Variants in TAF3 observed in about 807,000 individuals in gnomAD.
TAF3 encodes the protein transcription initiation factor TFIID subunit 3.
TAF3 carries 7 observed loss-of-function variants against 80.6 expected under a neutral mutation model. The observed-to-expected ratio is 0.09, with a 90% CI of 0.05 to 0.16. TAF3 has a LOEUF of 0.16. TAF3 is among the 10% of genes least tolerant of loss of function. The pLI is 1.00. For synonymous variants in TAF3, 444 were observed against 446.1 expected (o/e 1.00, Z 0.06); for missense variants, 921 against 1,140.2 (o/e 0.81, Z 2.77).
intron 2 of TAF3, among the ~76,000 whole-genome samples, chr10:7,855,909 C>A (rs1461837869): frequency 6.6e-6 from 1 of 150,654 alleles, no homozygotes. Context: ...ATAGCGAGAC[C>A]CCATTCTCCA....
At chr10:7,850,784 A>G (rs925442918) in intron 2 of TAF3, among the ~76,000 whole-genome samples, 5 of 152,182 alleles carry the variant, frequency 3.3e-5, no homozygotes, top group Admixed American at 6.5e-5. Flanking sequence ...TAAGAGAGAA[A>G]AGTTTAGCTT....
chr10:7,870,950 C>T (rs1056130671), intron 2 of TAF3, among the ~76,000 whole-genome samples: 6 of 152,056 alleles, frequency 3.9e-5, no homozygotes, highest in African/African-American at 7.2e-5. Context: ...ATATTGCTTT[C>T]AGAAGTATAA....
In TAF3 at chr10:7,862,613, A is replaced by G. The variant is rs76109057; in HGVS notation, c.409+38053A>G. On this transcript the variant is annotated intron_variant, in intron 2 of 6. Coordinates refer to ENST00000344293, the MANE Select transcript of TAF3 (RefSeq NM_031923.4). ...ACTTGTGAAAGCATTGTCACAGTCA[A>G]AATTATGAAGATATCCATCACCCTG... Among the ~76,000 whole-genome samples the G allele has an allele frequency of 4.6e-3, 694 of 152,346 alleles. 2 individuals are homozygous for G. Among genetic ancestry groups the G allele is most frequent in the Middle Eastern group, 6.8e-3 (2 of 294 alleles).
chr10:7,949,151 C>G (rs1427102805), intron 2 of TAF3, among the ~76,000 whole-genome samples: 1 of 152,314 alleles, frequency 6.6e-6, no homozygotes, highest in Non-Finnish European at 1.5e-5. Flanking sequence ...AGTGTCTGTG[C>G]GTGCACAGAT....
intron 2 of TAF3, among the ~76,000 whole-genome samples, chr10:7,951,150 T>A (rs1838078270): frequency 6.6e-6 from 1 of 152,248 alleles, no homozygotes; most frequent in Non-Finnish European, 1.5e-5. Flanking sequence ...GTTCAGTATT[T>A]GTTAGTTCAG....
chr10:7,819,209 G>T (rs1190655122), intron 1 of TAF3, among the ~76,000 whole-genome samples: 1 of 151,942 alleles, frequency 6.6e-6, no homozygotes, highest in Non-Finnish European at 1.5e-5. Flanking sequence ...CACCCCCAGC[G>T]TGCCCTACAC....
intron 2 of TAF3, among the ~76,000 whole-genome samples, chr10:7,955,023 T>G (rs974408784): frequency 3.9e-5 from 6 of 152,130 alleles, no homozygotes; most frequent in African/African-American, 1.2e-4. Context: ...TTAGTCCCAG[T>G]TAACACAGAG....
chr10:7,990,257 C>T (rs1007916557), intron 4 of TAF3, among the ~76,000 whole-genome samples: 1 of 152,134 alleles, frequency 6.6e-6, no homozygotes, highest in Non-Finnish European at 1.5e-5. Flanking sequence ...TTGTTCTGAA[C>T]GGAATGAACA....
rs532756856 is a variant in TAF3, at chr10:7,904,939, T to C, written c.410-58981T>C. Among the ~76,000 whole-genome samples the C allele has an allele frequency of 2.6e-5, 4 of 152,216 alleles. No individual in the cohort carries two copies. The South Asian group carries it at 8.3e-4, about 32-fold the overall frequency. ...CACCCGCTCCTCCTCCACACTGAGC[T>C]CTCCATTGCCCTGCATCCTTTCCCT... On this transcript the variant is annotated intron_variant, in intron 2 of 6. Coordinates refer to ENST00000344293, the MANE Select transcript of TAF3 (RefSeq NM_031923.4).
rs367837533 is a variant in TAF3 at position 7,948,195 on chromosome 10, T to G, written c.410-15725T>G. On this transcript the variant is annotated intron_variant, in intron 2 of 6. Coordinates refer to ENST00000344293, the MANE Select transcript of TAF3 (RefSeq NM_031923.4). ...CTCTGGCCCCAGCCTCCCGAGTAGC[T>G]GGGTCCACAGGTGGGCACCACTGGG... 2.6e-4 allele frequency among the ~76,000 whole-genome samples: 39 copies of G among 152,016 alleles called. No individual in the cohort carries two copies. The East Asian group carries it at 7.2e-3, about 28-fold the overall frequency.
At chr10:7,926,432 T>G (rs1564364843) in intron 2 of TAF3, among the ~76,000 whole-genome samples, 1 of 152,194 alleles carries the variant, frequency 6.6e-6, no homozygotes. Context: ...AGTATCTGAT[T>G]AGGAAAAAGT....
intron 2 of TAF3, among the ~76,000 whole-genome samples, chr10:7,874,521 A>G (rs1837296676): frequency 6.6e-6 from 1 of 151,982 alleles, no homozygotes; most frequent in Admixed American, 6.6e-5. Flanking sequence ...TTATTTTAGA[A>G]TTTCTGTTCT....
intron 1 of TAF3, among the ~76,000 whole-genome samples, chr10:7,823,049 GT>G (rs1436161618): frequency 1.3e-5 from 2 of 152,180 alleles, no homozygotes; most frequent in Non-Finnish European, 2.9e-5. Context: ...GGAAGGTAAG[GT>G]TGCAGTGAGC....
At chr10:8,001,525 C>T (rs1814487489) in intron 4 of TAF3, among the ~76,000 whole-genome samples, 1 of 152,068 alleles carries the variant, frequency 6.6e-6, no homozygotes, top group Non-Finnish European at 1.5e-5. Flanking sequence ...TAGTTTGCTT[C>T]ACTTTGTCTT....
chr10:7,842,165 T>G (rs1023719009), intron 2 of TAF3, among the ~76,000 whole-genome samples: 7 of 73,070 alleles, frequency 9.6e-5, no homozygotes, highest in South Asian at 6.5e-4. Flanking sequence ...TTTTTTTTTG[T>G]TTTTTTTTTT....
chr10:7,920,448 G>T (rs1314290515), intron 2 of TAF3, among the ~76,000 whole-genome samples: 1 of 151,042 alleles, frequency 6.6e-6, no homozygotes, highest in Non-Finnish European at 1.5e-5. Flanking sequence ...AGCTTTTTAT[G>T]CTTTGCATTT....
intron 4 of TAF3, among the ~76,000 whole-genome samples, chr10:7,983,441 C>G (rs894481685): frequency 6.6e-6 from 1 of 152,150 alleles, no homozygotes; most frequent in Non-Finnish European, 1.5e-5. Context: ...GGTTGGTGTA[C>G]AAAAGGATAC....
At chr10:7,921,761 G>A (rs1346731503) in intron 2 of TAF3, among the ~76,000 whole-genome samples, 2 of 152,070 alleles carry the variant, frequency 1.3e-5, no homozygotes, top group African/African-American at 2.4e-5. Context: ...CAGCCAAATG[G>A]CTGATATTAT....
At chr10:7,943,821 C>T (rs1207731692) in intron 2 of TAF3, among the ~76,000 whole-genome samples, 1 of 152,174 alleles carries the variant, frequency 6.6e-6, no homozygotes, top group Non-Finnish European at 1.5e-5. Context: ...GAATTACTGT[C>T]ACTATCATTT....
Sources: allele counts gnomAD v4.1 joint callset (sites outside exome capture counted in the v4.1 genomes callset), GRCh38; gene constraint gnomAD v4.1.1; transcripts MANE v1.5; gene names NCBI Gene and HGNC (gene_info 2026-07-23, HGNC 2026-07-21).